Variants in MGAM observed in about 807,000 individuals in gnomAD.
The protein encoded by MGAM is maltase-glucoamylase.
MGAM carries 253 observed loss-of-function variants against 358.8 expected under a neutral mutation model. That is an observed-to-expected ratio of 0.71 (90% CI 0.64 to 0.78). The LOEUF is 0.78. MGAM is among the 30% of genes least tolerant of loss of function. The probability of loss-of-function intolerance (pLI) is 0.00; values close to 1 mark genes in which losing one functional copy is unlikely to be tolerated. For missense variants in MGAM, 3,080 were observed against 3,432.6 expected (o/e 0.90, Z 2.57); for synonymous variants, 1,105 against 1,227.1 (o/e 0.90, Z 2.08).
intron 12 of MGAM, 33 bp downstream of exon 12, chr7:142,030,790 G>C (rs782632475): frequency 7.1e-7 from 1 of 1,413,184 alleles, no homozygotes; most frequent in African/African-American, 1.4e-5. Context: ...GGCTGGTGGA[G>C]GGGCTGCATA....
At chr7:142,055,450 A>G (rs1409435621) in intron 27 of MGAM, 108 bp from the exon 28 acceptor site, 3 of 1,381,486 alleles carry the variant, frequency 2.2e-6, no homozygotes, top group East Asian at 4.6e-5. Context: ...TGGGATATGA[A>G]CAGCTTCTTG....
intron 21 of MGAM, among the ~76,000 whole-genome samples, chr7:142,047,436 A>G (rs907972277): frequency 1.3e-5 from 2 of 152,170 alleles, no homozygotes; most frequent in African/African-American, 2.4e-5. Flanking sequence ...TGCTAAAGTG[A>G]TATAACTGAA....
Position 142,092,592 on chromosome 7 carries a change from C to A in MGAM, c.7017C>A (p.His2339Gln). 1 of 1,542,142 alleles carries A rather than the reference C, an allele frequency of 6.5e-7. No homozygotes were observed. The change falls in exon 59 of 71, where the codon CAC becomes CAA. Residue 2339 changes from histidine to glutamine, a missense_variant. Around this residue, in one of 5 missense-constraint regions of MGAM, gnomAD observed 932 missense variants for 1,198.2 expected, o/e 0.78. Transcript: ENST00000475668. ...GCTGCAGGGATGCCTCTCTGAACCA[C>A]CCTCCCTACATGCCGTGTAAGAATC... ...SPGCRDASLN[H>Q]PPYMPYLESR...
rs148183414 is a variant in MGAM, at chr7:142,099,162, T to A, written c.7750-451T>A. ...GATATTTTTGGTTGTCACAACAGAGTGGGGGTGAGGAGGTGATGCGGCTGA... is the reference window on the plus strand; with the variant it reads ...GATATTTTTGGTTGTCACAACAGAGAGGGGGTGAGGAGGTGATGCGGCTGA... On this transcript the variant is annotated intron_variant, in intron 66 of 70. Coordinates refer to ENST00000475668, the MANE Select transcript of MGAM (RefSeq NM_001365693.1). 5.1e-3 allele frequency among the ~76,000 whole-genome samples: 779 copies of A among 151,846 alleles called. 3 individuals are homozygous for A. The highest frequency in any genetic ancestry group is 0.024 in the Middle Eastern group (7 of 294).
chr7:142,005,319 T>C (rs1455647182), intron 1 of MGAM, among the ~76,000 whole-genome samples: 1 of 152,082 alleles, frequency 6.6e-6, no homozygotes, highest in Non-Finnish European at 1.5e-5. Context: ...GAGATTTGTT[T>C]CAAAGTAATT....
chr7:142,100,181 A>C (rs1045607471), intron 67 of MGAM, among the ~76,000 whole-genome samples: 2 of 152,226 alleles, frequency 1.3e-5, no homozygotes, highest in Admixed American at 6.5e-5. Flanking sequence ...CCCTGTGCCT[A>C]GAACTATATG....
At position 142,094,376 on chromosome 7, in the gene MGAM, G is replaced by A; in HGVS notation, c.7185G>A (p.Glu2395=). 1 of 1,526,272 alleles carries A rather than the reference G, an allele frequency of 6.6e-7. No individual in the cohort carries two copies. The highest frequency in any genetic ancestry group is 8.9e-7 in the Non-Finnish European group (1 of 1,117,980). The allele number at this position is 1,526,272 out of a possible 1,614,324, so 94.5% of individuals were successfully genotyped here. The change falls in exon 61 of 71, where the codon GAG becomes GAA. Residue 2395 remains glutamate (E), a synonymous_variant. Coordinates refer to ENST00000475668, the MANE Select transcript of MGAM (RefSeq NM_001365693.1). ...QTRPTYEAVQ[E]VTGQRGVVIT... is the part of the protein sequence containing the mutation. ...CCCCTCCAACCAGAGCCGTGCAGGA[G>A]GTGACAGGACAGCGAGGGGTCGTCA...
At chr7:142,027,810 C>A in intron 10 of MGAM, 75 bp downstream of exon 10, 1 of 1,385,306 alleles carries the variant, frequency 7.2e-7, no homozygotes. Context: ...TTTATATTTT[C>A]TCTCCCTGAG....
chr7:142,061,254 C>A lies in MGAM; in HGVS notation c.4122+881C>A, dbSNP rs992209918. ...CGTGTACCCCGTATGGGATAGAATT[C>A]TGACTCAGCTGTGGCTGATAATCTC... On this transcript the variant is annotated intron_variant, in intron 34 of 70. Transcript: ENST00000475668. Among the ~76,000 whole-genome samples the A allele has an allele frequency of 2.6e-5, 4 of 152,186 alleles. 1 individual carries two copies. The highest frequency in any genetic ancestry group is 4.1e-4 in the South Asian group (2 of 4,824).
At chr7:142,002,276 A>G (rs1804789992) in intron 1 of MGAM, among the ~76,000 whole-genome samples, 1 of 152,168 alleles carries the variant, frequency 6.6e-6, no homozygotes, top group African/African-American at 2.4e-5. Context: ...CAAAAGAATA[A>G]AACTACAGAC....
rs1311154864 is a variant in MGAM at position 142,076,567 on chromosome 7, G to T, written c.5326-92G>T. The T allele has an allele frequency of 6.0e-6, 7 of 1,157,058 alleles. 1 individual carries two copies. The highest frequency in any genetic ancestry group is 4.0e-5 in the South Asian group (3 of 74,696). 71.7% of individuals were successfully genotyped at this position (1,157,058 alleles called of 1,614,324 possible). A position where few individuals can be genotyped will look rare whatever the true frequency, so the allele number is the denominator to read the frequency against. On this transcript the variant is annotated intron_variant, in intron 46 of 70. Transcript: ENST00000475668. ...AGAGAGGCATTCATGGCAGTGGGGG[G>T]TATCCAGTCTGGAATAGAATATATG...
intron 57 of MGAM, among the ~76,000 whole-genome samples, chr7:142,091,539 C>T (rs1026860547): frequency 5.5e-5 from 8 of 145,868 alleles, no homozygotes; most frequent in Non-Finnish European, 7.7e-5. Flanking sequence ...TAACCTATTA[C>T]CATGCATCTC....
chr7:141,996,220 G>A (rs1457281262), intron 1 of MGAM, among the ~76,000 whole-genome samples: 1 of 150,880 alleles, frequency 6.6e-6, no homozygotes, highest in Non-Finnish European at 1.5e-5. Context: ...AGAATGGCGT[G>A]AACCTGGGAG....
At chr7:142,046,282 G>A (rs1340261573) in intron 21 of MGAM, among the ~76,000 whole-genome samples, 4 of 151,360 alleles carry the variant, frequency 2.6e-5, no homozygotes, top group South Asian at 2.1e-4. Context: ...GAAATGTTTA[G>A]GGGAGTCTAA....
Position 142,078,340 on chromosome 7 carries a change from A to G in MGAM, c.5516A>G (p.Asn1839Ser), listed in dbSNP as rs148511871. The change falls in exon 48 of 71, where the codon AAT becomes AGT. Residue 1839 changes from asparagine to serine, a missense_variant. Around this residue, in one of 5 missense-constraint regions of MGAM, gnomAD observed 932 missense variants for 1,198.2 expected, o/e 0.78. Coordinates refer to ENST00000475668, the MANE Select transcript of MGAM (RefSeq NM_001365693.1). ...CAGGTCGCCATTATCACAGACATCA[A>G]TCTTTTCCTGGGAGAAGCATACACA... is the stretch of plus-strand genomic sequence containing the variant. ...NLKVAIITDI[N>S]LFLGEAYTVE... 3.3e-5 allele frequency: 49 copies of G among 1,491,086 alleles called. 6 individuals carry two copies. In the Middle Eastern group the frequency reaches 5.1e-4, roughly 16 times the overall value. 92.4% of individuals were successfully genotyped at this position (1,491,086 alleles called of 1,614,324 possible). A position where few individuals can be genotyped will look rare whatever the true frequency, so the allele number is the denominator to read the frequency against.
chr7:142,023,711 A>C (rs1806688163), intron 7 of MGAM, among the ~76,000 whole-genome samples: 1 of 151,992 alleles, frequency 6.6e-6, no homozygotes, highest in Non-Finnish European at 1.5e-5. Context: ...CAGAGGAAGA[A>C]TCTAATCCCT....
Position 142,070,918 on chromosome 7 carries a change from G to A in MGAM, c.5062-76G>A. 1.3e-6 allele frequency: 2 copies of A among 1,507,066 alleles called. 1 individual carries two copies. Among genetic ancestry groups the A allele is most frequent in the Non-Finnish European group, 1.8e-6 (2 of 1,092,892 alleles). The allele number at this position is 1,507,066 out of a possible 1,614,324, so 93.4% of individuals were successfully genotyped here. ...GGCATAAGTTCAGAGGGGAGGATGA[G>A]ATGTCTGGCAGGATGCATTGTTCAG... On this transcript the variant is annotated intron_variant, in intron 43 of 70. Coordinates refer to ENST00000475668, the MANE Select transcript of MGAM (RefSeq NM_001365693.1).
At chr7:142,065,663 G>T (rs772990306) in intron 39 of MGAM, 41 bp downstream of exon 39, 1 of 1,611,886 alleles carries the variant, frequency 6.2e-7, no homozygotes, top group Non-Finnish European at 8.5e-7. Context: ...AAGAAGGTGG[G>T]GACATCTTTC....
chr7:142,050,963 C>G, intron 24 of MGAM, 99 bp downstream of exon 24: 1 of 1,521,364 alleles, frequency 6.6e-7, no homozygotes, highest in South Asian at 1.2e-5. Flanking sequence ...AGGACCAGGG[C>G]ACCTTTGAGG....
Sources: allele counts gnomAD v4.1 joint callset (sites outside exome capture counted in the v4.1 genomes callset), GRCh38; gene constraint gnomAD v4.1.1; regional missense constraint gnomAD v4.1.1; transcripts MANE v1.5; gene names NCBI Gene and HGNC (gene_info 2026-07-23, HGNC 2026-07-21).